SMYD4: variants seen among roughly 807,000 people sequenced by gnomAD.
The protein encoded by SMYD4 is protein-lysine N-methyltransferase SMYD4.
Under a neutral mutation model 72.8 loss-of-function variants are expected in SMYD4, and 68 were observed. That is an observed-to-expected ratio of 0.93 (90% CI 0.77 to 1.14). The LOEUF is 1.14. SMYD4 is among the 50% of genes most tolerant of loss of function. The pLI, the probability that SMYD4 is intolerant of heterozygous loss-of-function variation, is 0.00. For missense variants in SMYD4, 984 were observed against 1,003.7 expected (o/e 0.98, Z 0.27); for synonymous variants, 407 against 388.6 (o/e 1.05, Z -0.56).
At chr17:1,782,213 G>C (rs1449717652) in intron 10 of SMYD4, 2 of 152,138 alleles carry the variant, frequency 1.3e-5, no homozygotes, top group Non-Finnish European at 2.9e-5. Context: ...CAGCAAAAAA[G>C]CAGGGTTTCT....
rs1908263522 is a variant in SMYD4 at position 1,779,500 on chromosome 17, A to AAAACAAAACAAAACC, written c.*1771_*1785dup. 1 of 152,936 alleles carries AAAACAAAACAAAACC rather than the reference A, an allele frequency of 6.5e-6. No homozygotes were observed. Among genetic ancestry groups the AAAACAAAACAAAACC allele is most frequent in the Non-Finnish European group, 1.5e-5 (1 of 68,636 alleles). 9.5% of individuals were successfully genotyped at this position (152,936 alleles called of 1,614,324 possible). A position where few individuals can be genotyped will look rare whatever the true frequency, so the allele number is the denominator to read the frequency against. On this transcript the variant is annotated 3_prime_UTR_variant, in exon 11 of 11. Transcript: ENST00000305513. ...TCTCAAAAACAAAACAAAACAAAAC[A>AAAACAAAACAAAACC]AAACAAAACAAAACCAACAACTCAG... is the stretch of plus-strand genomic sequence containing the variant.
At chr17:1,784,587 A>T in intron 7 of SMYD4, 126 bp from the exon 8 acceptor site, 1 of 1,484,658 alleles carries the variant, frequency 6.7e-7, no homozygotes, top group Non-Finnish European at 8.9e-7. Context: ...GTAACAATAC[A>T]TCGTGACGAA....
chr17:1,825,697 A>G (rs888267415), intron 2 of SMYD4, among the ~76,000 whole-genome samples: 6 of 151,882 alleles, frequency 4.0e-5, no homozygotes, highest in Non-Finnish European at 8.8e-5. Context: ...ATTTGTTTAT[A>G]GAGATGGAAT....
chr17:1,809,378 A>T lies in SMYD4; in HGVS notation c.279+2593T>A, dbSNP rs555992801. On this transcript the variant is annotated intron_variant, in intron 3 of 10. Transcript: ENST00000305513. ...CATTATTATTATTGTTATTATTATT[A>T]TTATTTTTTTTTTTGAGACAGAGTC... is the stretch of plus-strand genomic sequence containing the variant. Among the ~76,000 whole-genome samples, 221 of 125,532 alleles carry T rather than the reference A, an allele frequency of 1.8e-3. 1 individual carries two copies. Among genetic ancestry groups the T allele is most frequent in the African/African-American group, 5.3e-3 (211 of 40,068 alleles). 82.4% of individuals were successfully genotyped at this position (125,532 alleles called of 152,430 possible).
In SMYD4 at chr17:1,795,405, C is replaced by CTCTGTCTA. The variant is rs1555575914; in HGVS notation, c.1537+4451_1537+4452insTAGACAGA. Among the ~76,000 whole-genome samples, 5 of 148,830 alleles carry CTCTGTCTA rather than the reference C, an allele frequency of 3.4e-5. No homozygotes were observed. The Admixed American group carries it at 3.4e-4, about 10-fold the overall frequency. ...CTGTAGTACAGTGGCACGATCTCAG[C>CTCTGTCTA]TCTATCTATCTATCTATCTATCTAT... On this transcript the variant is annotated intron_variant, in intron 5 of 10. Transcript: ENST00000305513.
intron 2 of SMYD4, among the ~76,000 whole-genome samples, chr17:1,826,491 C>CAAAAA (rs111636314): frequency 2.8e-3 from 289 of 102,778 alleles, no homozygotes; most frequent in East Asian, 4.5e-3. Context: ...AAACTCTGTC[C>CAAAAA]AAAAAAAAAA....
rs868542110 is a variant in SMYD4 at position 1,825,469 on chromosome 17, G to T, written c.134+2392C>A. On this transcript the variant is annotated intron_variant, in intron 2 of 10. Coordinates refer to ENST00000305513, the MANE Select transcript of SMYD4 (RefSeq NM_052928.3). ...TGGAATTACAGGCACATGTCATGTTGTCTGGCTTCATTTTTATACAGCCAT... is the reference window on the plus strand; with the variant it reads ...TGGAATTACAGGCACATGTCATGTTTTCTGGCTTCATTTTTATACAGCCAT... 8.7e-5 allele frequency among the ~76,000 whole-genome samples: 13 copies of T among 149,542 alleles called. No individual in the cohort carries two copies. In the South Asian group the frequency reaches 2.6e-3, roughly 29 times the overall value.
chr17:1,810,984 C>T (rs945588939), intron 3 of SMYD4, among the ~76,000 whole-genome samples: 1 of 152,196 alleles, frequency 6.6e-6, no homozygotes, highest in Non-Finnish European at 1.5e-5. Flanking sequence ...TCTTAAAGCC[C>T]ACGTGTGATC....
intron 7 of SMYD4, among the ~76,000 whole-genome samples, chr17:1,784,822 T>A (rs1017876435): frequency 4.6e-5 from 7 of 152,016 alleles, no homozygotes; most frequent in African/African-American, 1.7e-4. Context: ...CAGGCTGGAG[T>A]GCAGTGGTGC....
intron 2 of SMYD4, among the ~76,000 whole-genome samples, chr17:1,818,141 T>G (rs569373389): frequency 6.6e-6 from 1 of 152,050 alleles, no homozygotes; most frequent in Admixed American, 6.6e-5. Flanking sequence ...AAGGCACAAC[T>G]TCAGCCTTTT....
Position 1,811,986 on chromosome 17 carries a change from T to G in SMYD4, c.264A>C (p.Ala88=). 6.2e-7 allele frequency: 1 copy of G among 1,614,144 alleles called. No individual in the cohort carries two copies. Among genetic ancestry groups the G allele is most frequent in the Non-Finnish European group, 8.5e-7 (1 of 1,180,028 alleles). Residue 88 remains alanine (A), a synonymous_variant, in exon 3 of 11, where the codon GCA becomes GCC. Transcript: ENST00000305513. ...AGTGTTTTACCTTAGAGTACAGCACTGCAGCTCCTGTGTAATCTTTCTCCT... is the reference window on the plus strand; with the variant it reads ...AGTGTTTTACCTTAGAGTACAGCACGGCAGCTCCTGTGTAATCTTTCTCCT... ...KFQEKDYTGA[A]VLYSKGVSHS...
chr17:1,805,316 G>A (rs1909978472), intron 3 of SMYD4, among the ~76,000 whole-genome samples: 1 of 152,146 alleles, frequency 6.6e-6, no homozygotes, highest in Non-Finnish European at 1.5e-5. Flanking sequence ...TACTTGGGAG[G>A]CTGAGGCATG....
chr17:1,790,849 G>A (rs771110056), intron 5 of SMYD4, among the ~76,000 whole-genome samples: 12 of 151,634 alleles, frequency 7.9e-5, no homozygotes, highest in Admixed American at 2.0e-4. Context: ...GATTCATGCC[G>A]GGCGCGGTGG....
chr17:1,809,068 G>A (rs560164027), intron 3 of SMYD4, among the ~76,000 whole-genome samples: 1 of 152,156 alleles, frequency 6.6e-6, no homozygotes, highest in East Asian at 1.9e-4. Flanking sequence ...ACAGAGACAG[G>A]GCCTCGCTGT....
At chr17:1,796,122 A>G (rs1909392501) in intron 5 of SMYD4, among the ~76,000 whole-genome samples, 1 of 151,954 alleles carries the variant, frequency 6.6e-6, no homozygotes, top group Admixed American at 6.6e-5. Context: ...TAGCCACAGA[A>G]TAAGCATGTA....
intron 2 of SMYD4, among the ~76,000 whole-genome samples, chr17:1,820,887 C>A (rs913854898): frequency 2.0e-5 from 3 of 152,192 alleles, no homozygotes; most frequent in Non-Finnish European, 1.5e-5. Flanking sequence ...ACCTAACAGG[C>A]ATGCATGTGG....
intron 2 of SMYD4, among the ~76,000 whole-genome samples, chr17:1,823,643 G>A (rs1911008983): frequency 6.6e-6 from 1 of 152,070 alleles, no homozygotes; most frequent in Admixed American, 6.6e-5. Context: ...GCTGAAGAAG[G>A]GTAGACCCCA....
chr17:1,791,601 A>C (rs1280289189), intron 5 of SMYD4, among the ~76,000 whole-genome samples: 2 of 152,104 alleles, frequency 1.3e-5, no homozygotes, highest in African/African-American at 4.8e-5. Flanking sequence ...TTAACAATGA[A>C]AGTGAACCTT....
chr17:1,818,469 TATA>T (rs1910742967), intron 2 of SMYD4, among the ~76,000 whole-genome samples: 2 of 152,216 alleles, frequency 1.3e-5, no homozygotes, highest in Non-Finnish European at 2.9e-5. Flanking sequence ...CCTATATTAC[TATA>T]ATATCATTAT....
Sources: gnomAD v4.1 joint callset for allele counts (sites outside exome capture counted in the v4.1 genomes callset) on GRCh38, gnomAD v4.1.1 for gene constraint, MANE v1.5 for transcripts, NCBI Gene and HGNC (gene_info 2026-07-23, HGNC 2026-07-21) for gene names.